KCNQ3: variants seen among roughly 807,000 people sequenced by gnomAD.
KCNQ3 encodes potassium voltage-gated channel subfamily Q member 3.
In KCNQ3, 30 loss-of-function variants were observed where a neutral mutation model predicts 92.5. That is an observed-to-expected ratio of 0.32 (90% CI 0.24 to 0.44). KCNQ3 has a LOEUF of 0.44. KCNQ3 is among the 20% of genes least tolerant of loss of function. The pLI is 1.00. For missense variants in KCNQ3, 913 were observed against 1,140.3 expected (o/e 0.80, Z 2.87); for synonymous variants, 450 against 468.8 (o/e 0.96, Z 0.52).
chr8:132,180,318 G>A lies in KCNQ3; in HGVS notation c.616C>T (p.Leu206=), dbSNP rs770952684. Residue 206 remains leucine (L), a synonymous_variant, in exon 4 of 15, where the codon CTG becomes TTG. Transcript: ENST00000388996. The part of the protein sequence containing the change: ...KPLCMLDIFV[L]IASVPVVAVG... ...GCAACCACTGGCACAGAGGCAATCA[G>A]CACAAAGATGTCTGGGAGAGAGGAC... 25 of 1,613,940 alleles carry A rather than the reference G, an allele frequency of 1.5e-5. No individual in the cohort carries two copies. Among genetic ancestry groups the A allele is most frequent in the Non-Finnish European group, 2.0e-5 (24 of 1,180,056 alleles).
intron 1 of KCNQ3, among the ~76,000 whole-genome samples, chr8:132,261,072 T>C (rs1362255975): frequency 6.6e-6 from 1 of 152,176 alleles, no homozygotes; most frequent in Non-Finnish European, 1.5e-5. Context: ...ACCAATTCAC[T>C]ATGCTCAACA....
chr8:132,473,427 T>C (rs941923837), intron 1 of KCNQ3, among the ~76,000 whole-genome samples: 12 of 152,220 alleles, frequency 7.9e-5, no homozygotes, highest in Non-Finnish European at 1.6e-4. Context: ...AATTCTGAGA[T>C]TTCTGCTAAT....
chr8:132,182,829 C>T (rs72719103), intron 3 of KCNQ3, among the ~76,000 whole-genome samples: 41,426 of 151,002 alleles, frequency 0.27, 6,598 homozygotes, highest in Middle Eastern at 0.4. Context: ...AGAGGGCAAA[C>T]GAAGAGAGAA....
chr8:132,231,721 T>C (rs534539167), intron 1 of KCNQ3, among the ~76,000 whole-genome samples: 1 of 152,326 alleles, frequency 6.6e-6, no homozygotes, highest in South Asian at 2.1e-4. Flanking sequence ...GCCTATGATA[T>C]TTTGTTATGG....
At chr8:132,170,768 T>G (rs1354555123) in intron 7 of KCNQ3, among the ~76,000 whole-genome samples, 1 of 151,582 alleles carries the variant, frequency 6.6e-6, no homozygotes, top group African/African-American at 2.4e-5. Flanking sequence ...TCCCAGCACT[T>G]TGGGAGACCA....
At chr8:132,473,891 T>C (rs1822348675) in intron 1 of KCNQ3, among the ~76,000 whole-genome samples, 1 of 152,210 alleles carries the variant, frequency 6.6e-6, no homozygotes, top group South Asian at 2.1e-4. Context: ...CCCTTTATGT[T>C]CCAGAGCAGC....
At chr8:132,459,421 G>A (rs1433717168) in intron 1 of KCNQ3, among the ~76,000 whole-genome samples, 1 of 152,142 alleles carries the variant, frequency 6.6e-6, no homozygotes, top group East Asian at 1.9e-4. Flanking sequence ...AAAGGCAAGG[G>A]GAGCTGGTAT....
intron 1 of KCNQ3, among the ~76,000 whole-genome samples, chr8:132,273,093 C>T (rs1816208779): frequency 6.6e-6 from 1 of 152,142 alleles, no homozygotes; most frequent in Admixed American, 6.5e-5. Context: ...CACAACTCCA[C>T]TAGGTGGTGC....
At chr8:132,307,273 C>T (rs962395942) in intron 1 of KCNQ3, among the ~76,000 whole-genome samples, 1 of 152,168 alleles carries the variant, frequency 6.6e-6, no homozygotes, top group African/African-American at 2.4e-5. Context: ...CAAGAGTGGA[C>T]TAAGTACACT....
chr8:132,292,214 C>G (rs192765882), intron 1 of KCNQ3, among the ~76,000 whole-genome samples: 1 of 152,304 alleles, frequency 6.6e-6, no homozygotes, highest in Admixed American at 6.5e-5. Flanking sequence ...GGCTGGACCT[C>G]AAGTGTCTTG....
At chr8:132,251,261 T>C (rs1815399816) in intron 1 of KCNQ3, among the ~76,000 whole-genome samples, 1 of 151,678 alleles carries the variant, frequency 6.6e-6, no homozygotes, top group South Asian at 2.1e-4. Context: ...AGTGAGACTC[T>C]GAAGAAAAAA....
At chr8:132,219,376 T>C (rs1203966010) in intron 1 of KCNQ3, among the ~76,000 whole-genome samples, 3 of 151,964 alleles carry the variant, frequency 2.0e-5, no homozygotes, top group African/African-American at 4.8e-5. Context: ...TTGTGTAGAG[T>C]CAGTTCTCAG....
intron 1 of KCNQ3, among the ~76,000 whole-genome samples, chr8:132,413,768 A>C (rs1337701743): frequency 6.6e-6 from 1 of 152,248 alleles, no homozygotes; most frequent in Non-Finnish European, 1.5e-5. Flanking sequence ...GATTCACCGC[A>C]TCCATTTTCA....
At chr8:132,159,153 C>T (rs1825903565) in intron 9 of KCNQ3, among the ~76,000 whole-genome samples, 1 of 152,158 alleles carries the variant, frequency 6.6e-6, no homozygotes, top group South Asian at 2.1e-4. Flanking sequence ...AAATGATGGA[C>T]CTAACACAAA....
intron 1 of KCNQ3, among the ~76,000 whole-genome samples, chr8:132,312,305 A>G (rs188442547): frequency 6.6e-6 from 1 of 152,342 alleles, no homozygotes; most frequent in East Asian, 1.9e-4. Context: ...AAAATGTGCC[A>G]TATTTCTGCT....
At chr8:132,307,863 T>A (rs1362338304) in intron 1 of KCNQ3, among the ~76,000 whole-genome samples, 1 of 152,224 alleles carries the variant, frequency 6.6e-6, no homozygotes, top group Non-Finnish European at 1.5e-5. Flanking sequence ...AAAGGTTATA[T>A]GAGTCGGGGA....
chr8:132,480,085 C>G, intron 1 of KCNQ3, 62 bp downstream of exon 1: 1 of 1,518,938 alleles, frequency 6.6e-7, no homozygotes, highest in South Asian at 1.2e-5. Flanking sequence ...TCAGCTCCAG[C>G]CCCGACCCCA....
At chr8:132,325,162 C>T (rs117339635) in intron 1 of KCNQ3, among the ~76,000 whole-genome samples, 4 of 151,778 alleles carry the variant, frequency 2.6e-5, no homozygotes, top group Non-Finnish European at 4.4e-5. Context: ...GGGGTCCTGG[C>T]GGTGTGGATG....
chr8:132,142,833 T>C (rs1216621518), intron 9 of KCNQ3, among the ~76,000 whole-genome samples: 1 of 152,106 alleles, frequency 6.6e-6, no homozygotes, highest in Non-Finnish European at 1.5e-5. Flanking sequence ...AGTGTGGAGG[T>C]CATGGTGTTG....
Sources: gnomAD v4.1 joint callset for allele counts (sites outside exome capture counted in the v4.1 genomes callset) on GRCh38, gnomAD v4.1.1 for gene constraint, MANE v1.5 for transcripts, NCBI Gene and HGNC (gene_info 2026-07-23, HGNC 2026-07-21) for gene names.